NOS2: variants seen among roughly 807,000 people sequenced by gnomAD.
NOS2 encodes nitric oxide synthase 2.
NOS2 carries 96 observed loss-of-function variants against 136.0 expected under a neutral mutation model. The observed-to-expected ratio is 0.71, with a 90% CI of 0.60 to 0.84. The LOEUF is 0.84. Ranked by LOEUF, NOS2 falls within the 40% of genes least tolerant of loss-of-function variation. The pLI is 0.00. For missense variants in NOS2, 1,237 were observed against 1,496.9 expected, an observed-to-expected ratio of 0.83 and a Z score of 2.87; for synonymous variants, 539 against 587.5, an observed-to-expected ratio of 0.92 and a Z score of 1.20.
chr17:27,760,778 C>T lies in NOS2; in HGVS notation c.2889-34G>A, dbSNP rs1372239140. 29 of 1,542,376 alleles carry T rather than the reference C, an allele frequency of 1.9e-5. No individual in the cohort carries two copies. In the East Asian group the frequency reaches 6.1e-4, roughly 33 times the overall value. ...GACAGGAGAAGAGGGGGCCAGTCCTCAGACACCCCAGGCCCACGCACACAC... is the reference window on the plus strand; with the variant it reads ...GACAGGAGAAGAGGGGGCCAGTCCTTAGACACCCCAGGCCCACGCACACAC... On this transcript the variant is annotated intron_variant, in intron 23 of 26. Coordinates refer to ENST00000313735, the MANE Select transcript of NOS2 (RefSeq NM_000625.4).
At chr17:27,769,664 C>A in intron 15 of NOS2, 80 bp from the exon 16 acceptor site, 1 of 1,258,444 alleles carries the variant, frequency 7.9e-7, no homozygotes, top group Non-Finnish European at 1.2e-6. Context: ...GGAAACCTGG[C>A]CACAGCTTGC....
chr17:27,789,016 G>A, intron 3 of NOS2, 85 bp from the exon 4 acceptor site: 13 of 1,526,386 alleles, frequency 8.5e-6, no homozygotes, highest in Non-Finnish European at 1.2e-5. Context: ...AAGGATCTAT[G>A]GGTGGCCACA....
intron 12 of NOS2, among the ~76,000 whole-genome samples, chr17:27,774,051 G>A (rs1325353603): frequency 6.6e-6 from 1 of 152,216 alleles, no homozygotes; most frequent in Non-Finnish European, 1.5e-5. Flanking sequence ...CACTAGCGGT[G>A]CAGTGGAAGC....
intron 4 of NOS2, 81 bp from the exon 5 acceptor site, chr17:27,787,907 C>A: frequency 6.9e-7 from 1 of 1,445,360 alleles, no homozygotes; most frequent in South Asian, 1.4e-5. Context: ...TCCTGGCCAC[C>A]TGGCTCCTCT....
Position 27,767,791 on chromosome 17 carries a change from A to T in NOS2, c.2081T>A (p.Ile694Asn). The T allele has an allele frequency of 6.3e-7, 1 of 1,582,356 alleles. No individual in the cohort carries two copies. The highest frequency in any genetic ancestry group is 8.6e-7 in the Non-Finnish European group (1 of 1,163,970). ...CACATTGGAGGTGTAGAGCTTGGGGATCTGAATGTGCTGTTTGCCTCGGAC... is the reference window on the plus strand; with the variant it reads ...CACATTGGAGGTGTAGAGCTTGGGGTTCTGAATGTGCTGTTTGCCTCGGAC... ...FDVRGKQHIQ[I>N]PKLYTSNVTW... Residue 694 changes from isoleucine (I) to asparagine (N), a missense_variant, in exon 18 of 27, where the codon ATC becomes AAC. Physicochemically the swap from Ile to Asn is moderately radical, Grantham distance 149. This residue lies in a region of NOS2 where 782 missense variants were observed against 909.9 expected (regional missense o/e 0.86). Coordinates refer to ENST00000313735, the MANE Select transcript of NOS2 (RefSeq NM_000625.4).
At chr17:27,766,753 A>T (rs1908315283) in intron 18 of NOS2, among the ~76,000 whole-genome samples, 165 bp from the exon 19 acceptor site, 1 of 152,134 alleles carries the variant, frequency 6.6e-6, no homozygotes, top group Admixed American at 6.5e-5. Context: ...ACAAATAAAG[A>T]TCCTTGGTCC....
chr17:27,762,030 T>C (rs1230718376), intron 22 of NOS2, among the ~76,000 whole-genome samples: 1 of 152,094 alleles, frequency 6.6e-6, no homozygotes, highest in Non-Finnish European at 1.5e-5. Context: ...GCTCCCAGCT[T>C]TGCCAACCCA....
chr17:27,760,864 G>A (rs1157287788), intron 23 of NOS2, 120 bp from the exon 24 acceptor site: 3 of 1,309,070 alleles, frequency 2.3e-6, no homozygotes, highest in South Asian at 1.5e-5. Context: ...AGGACAAGAA[G>A]CTCCTATTTG....
chr17:27,777,215 TG>T (rs777971245), intron 11 of NOS2, among the ~76,000 whole-genome samples: 5 of 152,248 alleles, frequency 3.3e-5, no homozygotes, highest in Non-Finnish European at 7.3e-5. Flanking sequence ...CTCACATCCT[TG>T]GCCCAGCCTA....
At chr17:27,774,225 C>A (rs1908591103) in intron 12 of NOS2, 32 bp downstream of exon 12, 1 of 1,422,878 alleles carries the variant, frequency 7.0e-7, no homozygotes, top group African/African-American at 1.5e-5. Flanking sequence ...CATCTGAGCC[C>A]CCAGGAAGGA....
At chr17:27,787,608 G>A (rs1289251942) in intron 5 of NOS2, 70 bp downstream of exon 5, 1 of 1,170,452 alleles carries the variant, frequency 8.5e-7, no homozygotes, top group African/African-American at 1.5e-5. Context: ...AGGATCAGAG[G>A]GTGATGGGTA....
In NOS2 at chr17:27,773,224, T is replaced by A. The variant is rs930372980; in HGVS notation, c.1496A>T (p.His499Leu). ...TCTCCGCTTCTCGTCCTGCCAGACA[T>A]GGGTTTTCCAGGCCTCTACCTTCAG... is the stretch of plus-strand genomic sequence containing the variant. Reference protein sequence around the residue: ...YYYQVEAWKTHVWQDEKRRPK... With the variant: ...YYYQVEAWKTLVWQDEKRRPK... The change falls in exon 13 of 27, where the codon CAT (histidine) becomes CTT (leucine). Residue 499 changes from histidine to leucine, a missense_variant. Coordinates refer to ENST00000313735, the MANE Select transcript of NOS2 (RefSeq NM_000625.4). The A allele has an allele frequency of 6.2e-7, 1 of 1,613,948 alleles. No homozygotes were observed. The highest frequency in any genetic ancestry group is 1.3e-5 in the African/African-American group (1 of 74,938).
chr17:27,779,068 G>T lies in NOS2; in HGVS notation c.1005-12C>A. The T allele has an allele frequency of 2.1e-6, 3 of 1,462,480 alleles. No homozygotes were observed. Among genetic ancestry groups the T allele is most frequent in the South Asian group, 3.1e-5 (2 of 64,818 alleles). The allele number at this position is 1,462,480 out of a possible 1,614,324, so 90.6% of individuals were successfully genotyped here. ...GAAACCACTCGTATCTGGCAAAAAG[G>T]TAGACACAATTTAACTGGGGCCTTC... On this transcript the variant is annotated splice_polypyrimidine_tract_variant and intron_variant, in intron 9 of 26. Coordinates refer to ENST00000313735, the MANE Select transcript of NOS2 (RefSeq NM_000625.4).
Position 27,779,060 on chromosome 17 carries a change from G to A in NOS2, c.1005-4C>T, listed in dbSNP as rs1219630117. Reference sequence around the variant, plus strand: ...CAGTTCCCGAAACCACTCGTATCTGGCAAAAAGGTAGACACAATTTAACTG... The same window carrying A: ...CAGTTCCCGAAACCACTCGTATCTGACAAAAAGGTAGACACAATTTAACTG... On this transcript the variant is annotated splice_polypyrimidine_tract_variant and splice_region_variant and intron_variant, in intron 9 of 26. Coordinates refer to ENST00000313735, the MANE Select transcript of NOS2 (RefSeq NM_000625.4). The A allele has an allele frequency of 1.3e-6, 2 of 1,488,562 alleles. No individual in the cohort carries two copies. The highest frequency in any genetic ancestry group is 1.8e-6 in the Non-Finnish European group (2 of 1,116,050). 92.2% of individuals were successfully genotyped at this position (1,488,562 alleles called of 1,614,324 possible). A position where few individuals can be genotyped will look rare whatever the true frequency, so the allele number is the denominator to read the frequency against.
In NOS2 at chr17:27,780,826, G is replaced by A. The variant is rs772102416; in HGVS notation, c.945C>T (p.Asp315=). The part of the protein sequence containing the change: ...VPLVLQANGR[D]PELFEIPPDL... ...CAGGTGGGATTTCGAAGAGCTCAGG[G>A]TCACGGCCATTGGCCTGCAGGACCA... Residue 315 remains aspartate, a synonymous_variant, in exon 9 of 27, where the codon GAC becomes GAT. Coordinates refer to ENST00000313735, the MANE Select transcript of NOS2 (RefSeq NM_000625.4). 1.4e-5 allele frequency: 23 copies of A among 1,614,088 alleles called. No individual in the cohort carries two copies. Among genetic ancestry groups the A allele is most frequent in the Non-Finnish European group, 1.9e-5 (23 of 1,180,040 alleles).
At chr17:27,762,264 G>C (rs1908156697) in intron 22 of NOS2, among the ~76,000 whole-genome samples, 1 of 152,192 alleles carries the variant, frequency 6.6e-6, no homozygotes, top group Admixed American at 6.5e-5. Flanking sequence ...CCTGAGGGCA[G>C]GGCTGATCTC....
At chr17:27,763,060 A>G in intron 21 of NOS2, 55 bp from the exon 22 acceptor site, 4 of 1,172,512 alleles carry the variant, frequency 3.4e-6, no homozygotes, top group Non-Finnish European at 4.8e-6. Flanking sequence ...CTTTGGGGAA[A>G]AGACTGTCAC....
chr17:27,767,480 G>C (rs533328263), intron 18 of NOS2, among the ~76,000 whole-genome samples: 1 of 152,238 alleles, frequency 6.6e-6, no homozygotes, highest in Admixed American at 6.5e-5. Context: ...GGCCCTTGGC[G>C]GATGCTGATC....
At chr17:27,762,743 G>T in intron 22 of NOS2, 55 bp downstream of exon 22, 1 of 1,258,958 alleles carries the variant, frequency 7.9e-7, no homozygotes. Context: ...TTGATGAACA[G>T]ATGTCCAATA....
Sources: allele counts gnomAD v4.1 joint callset (sites outside exome capture counted in the v4.1 genomes callset), GRCh38; gene constraint gnomAD v4.1.1; regional missense constraint gnomAD v4.1.1; transcripts MANE v1.5; gene names NCBI Gene and HGNC (gene_info 2026-07-23, HGNC 2026-07-21).